PADI1: variants seen among roughly 807,000 people sequenced by gnomAD.
PADI1 encodes the protein protein-arginine deiminase type-1.
In PADI1, 65 loss-of-function variants were observed where a neutral mutation model predicts 74.8. That is an observed-to-expected ratio of 0.87 (90% confidence interval 0.71 to 1.07). The LOEUF (loss-of-function observed/expected upper bound fraction) is 1.07. Among genes scored for constraint, PADI1 ranks in the 50% least tolerant of loss-of-function variants. PADI1 has a pLI of 0.00. For missense variants in PADI1, 943 were observed against 854.0 expected, an observed-to-expected ratio of 1.10 and a Z score of -1.30; for synonymous variants, 371 against 336.2, an observed-to-expected ratio of 1.10 and a Z score of -1.13.
chr1:17,223,892 C>T (rs192962853), intron 3 of PADI1, among the ~76,000 whole-genome samples, 199 bp downstream of exon 3: 1 of 152,228 alleles, frequency 6.6e-6, no homozygotes. Context: ...CCACAAGGAT[C>T]TAGAAACTTC....
chr1:17,211,188 T>C (rs112015445), intron 1 of PADI1, among the ~76,000 whole-genome samples: 4 of 145,992 alleles, frequency 2.7e-5, no homozygotes, highest in Non-Finnish European at 4.5e-5. Context: ...ATGATCATGA[T>C]GGCAGCCCTG....
rs139688659 is a variant in PADI1 at position 17,210,693 on chromosome 1, C to T, written c.92+5384C>T. On this transcript the variant is annotated intron_variant, in intron 1 of 15. Transcript: ENST00000375471. ...GCCACATCATGTGTGATTCTAGACT[C>T]CTGAGAAAATGCCTGAGCCTGCTGA... Among the ~76,000 whole-genome samples, 672 of 152,256 alleles carry T rather than the reference C, an allele frequency of 4.4e-3. 4 individuals are homozygous for T. Among genetic ancestry groups the T allele is most frequent in the Admixed American group, 9.3e-3 (142 of 15,296 alleles).
chr1:17,237,743 T>C (rs886731379), intron 12 of PADI1, among the ~76,000 whole-genome samples: 1 of 152,246 alleles, frequency 6.6e-6, no homozygotes, highest in Non-Finnish European at 1.5e-5. Flanking sequence ...TTTTAATTCA[T>C]TTAATCCTCC....
At chr1:17,219,226 G>A (rs77306488) in intron 1 of PADI1, among the ~76,000 whole-genome samples, 13,913 of 152,088 alleles carry the variant, frequency 0.091, 976 homozygotes, top group Admixed American at 0.24. Context: ...TGGAGCAAGG[G>A]GGTGGCCGCA....
At chr1:17,205,678 A>G (rs1569723541) in intron 1 of PADI1, among the ~76,000 whole-genome samples, 1 of 151,926 alleles carries the variant, frequency 6.6e-6, no homozygotes, top group Non-Finnish European at 1.5e-5. Context: ...ACTGGTTCCC[A>G]CCTCCCTCAA....
At position 17,234,192 on chromosome 1, in the gene PADI1, G is replaced by A. The variant is rs192842692; in HGVS notation, c.1313+1222G>A. ...ATACCACAGTGCCTGGCACACAATA[G>A]GTACTCAATTAATTCACTTAAAAAT... is the stretch of plus-strand genomic sequence containing the variant. On this transcript the variant is annotated intron_variant, in intron 11 of 15. Coordinates refer to ENST00000375471, the MANE Select transcript of PADI1 (RefSeq NM_013358.3). 5.3e-5 allele frequency among the ~76,000 whole-genome samples: 8 copies of A among 152,328 alleles called. No homozygotes were observed. In the East Asian group the frequency reaches 1.3e-3, roughly 26 times the overall value.
chr1:17,217,573 C>T (rs1260134521), intron 1 of PADI1, among the ~76,000 whole-genome samples: 1 of 152,164 alleles, frequency 6.6e-6, no homozygotes. Context: ...AATATACACA[C>T]AATTAAGCAA....
chr1:17,240,947 T>C lies in PADI1; in HGVS notation c.1758+187T>C, dbSNP rs114789264. On this transcript the variant is annotated intron_variant, in intron 15 of 15. Coordinates refer to ENST00000375471, the MANE Select transcript of PADI1 (RefSeq NM_013358.3). ...CCAGGGCAATTTTGCCCCCAGGGGA[T>C]TTTTGTTGCCGCAGTGAGGTGCATG... Among the ~76,000 whole-genome samples, 1,294 of 152,294 alleles carry C rather than the reference T, an allele frequency of 8.5e-3. 16 individuals are homozygous for C. The highest frequency in any genetic ancestry group is 0.021 in the African/African-American group (888 of 41,554).
intron 11 of PADI1, among the ~76,000 whole-genome samples, chr1:17,233,931 C>A (rs1010314455): frequency 1.3e-5 from 2 of 152,200 alleles, no homozygotes; most frequent in African/African-American, 4.8e-5. Context: ...ACTGGCCAGG[C>A]GAGAGGCATG....
intron 11 of PADI1, among the ~76,000 whole-genome samples, chr1:17,236,385 T>C (rs1032431443): frequency 2.0e-5 from 3 of 152,178 alleles, no homozygotes; most frequent in Admixed American, 2.0e-4. Context: ...GGGTAAAGCA[T>C]GTGTGTGGCA....
At chr1:17,213,825 G>A (rs1167869247) in intron 1 of PADI1, among the ~76,000 whole-genome samples, 1 of 152,182 alleles carries the variant, frequency 6.6e-6, no homozygotes, top group Non-Finnish European at 1.5e-5. Flanking sequence ...AGAGTAGTTG[G>A]TTTTACACTC....
intron 1 of PADI1, among the ~76,000 whole-genome samples, chr1:17,220,667 T>A (rs779394880): frequency 6.6e-6 from 1 of 152,140 alleles, no homozygotes; most frequent in African/African-American, 2.4e-5. Context: ...TGGGGGATGA[T>A]GTTGGAGAGC....
rs543157801 is a variant in PADI1, at chr1:17,239,156, G to T, written c.1552+447G>T. Among the ~76,000 whole-genome samples the T allele has an allele frequency of 2.1e-4, 32 of 152,304 alleles. 1 individual carries two copies. The South Asian group carries it at 6.6e-3, about 32-fold the overall frequency. ...GCAGGAGCTAACAGACCCTCCAAGGGCTTGGTTGGCCCATCTCCCCTCCTT... is the reference window on the plus strand; with the variant it reads ...GCAGGAGCTAACAGACCCTCCAAGGTCTTGGTTGGCCCATCTCCCCTCCTT... On this transcript the variant is annotated intron_variant, in intron 13 of 15. Coordinates refer to ENST00000375471, the MANE Select transcript of PADI1 (RefSeq NM_013358.3).
rs72646753 is a variant in PADI1, at chr1:17,224,898, T to C, written c.408+470T>C. ...AAGGCGTCACCCCACAGGAACTATC[T>C]GGAAGCTGTCCTGGGAGGGGTAGAA... On this transcript the variant is annotated intron_variant, in intron 4 of 15. Transcript: ENST00000375471. 9.2e-3 allele frequency among the ~76,000 whole-genome samples: 1,370 copies of C among 148,552 alleles called. 16 individuals are homozygous for C. Among genetic ancestry groups the C allele is most frequent in the Non-Finnish European group, 0.016 (1,031 of 66,260 alleles).
chr1:17,230,292 G>A (rs922582943), intron 9 of PADI1, 84 bp downstream of exon 9: 35 of 1,512,278 alleles, frequency 2.3e-5, no homozygotes, highest in Admixed American at 8.0e-5. Context: ...ACCCAGTGTC[G>A]CTAGAGAAGC....
intron 6 of PADI1, among the ~76,000 whole-genome samples, chr1:17,226,361 T>C (rs530189193): frequency 6.6e-6 from 1 of 152,164 alleles, no homozygotes; most frequent in Non-Finnish European, 1.5e-5. Flanking sequence ...AAACCGAGGC[T>C]CAGATGCAGG....
intron 13 of PADI1, 144 bp from the exon 14 acceptor site, chr1:17,239,560 T>G: frequency 1.5e-6 from 1 of 649,756 alleles, no homozygotes; most frequent in Non-Finnish European, 2.8e-6. Context: ...TCAGGGGTTC[T>G]CAGTCTCTGG....
At position 17,233,238 on chromosome 1, in the gene PADI1, C is replaced by T. The variant is rs146991130; in HGVS notation, c.1313+268C>T. Among the ~76,000 whole-genome samples the T allele has an allele frequency of 4.8e-4, 73 of 152,262 alleles. 1 individual carries two copies. The highest frequency in any genetic ancestry group is 1.7e-3 in the African/African-American group (71 of 41,564). On this transcript the variant is annotated intron_variant, in intron 11 of 15. Transcript: ENST00000375471. ...ATGAGTCACCAACATAAACAGATAT[C>T]GGGAGGGCCTCCCATAAAAAGGCAG...
intron 15 of PADI1, among the ~76,000 whole-genome samples, chr1:17,242,843 G>C (rs191167321): frequency 6.6e-6 from 1 of 152,308 alleles, no homozygotes; most frequent in East Asian, 1.9e-4. Flanking sequence ...CCTGGTCCTG[G>C]TCCTGGCTCT....
Sources: allele counts gnomAD v4.1 joint callset (sites outside exome capture counted in the v4.1 genomes callset), GRCh38; gene constraint gnomAD v4.1.1; transcripts MANE v1.5; gene names NCBI Gene and HGNC (gene_info 2026-07-23, HGNC 2026-07-21).